Variants in NOVA1 observed in about 807,000 individuals in gnomAD.
NOVA1 encodes the protein RNA-binding protein Nova-1.
A neutral mutation model predicts 38.0 loss-of-function variants in NOVA1; 7 were observed. That is an observed-to-expected ratio of 0.18 (90% confidence interval 0.10 to 0.35). NOVA1 has a LOEUF of 0.35. Among genes scored for constraint, NOVA1 ranks in the 10% least tolerant of loss-of-function variants. NOVA1 has a pLI of 1.00. For missense variants in NOVA1, 460 were observed against 616.0 expected, an observed-to-expected ratio of 0.75 and a Z score of 2.68; for synonymous variants, 270 against 232.5, an observed-to-expected ratio of 1.16 and a Z score of -1.47.
At chr14:26,595,033 T>C (rs533846250) in intron 2 of NOVA1, among the ~76,000 whole-genome samples, 35 of 152,218 alleles carry the variant, frequency 2.3e-4, no homozygotes, top group African/African-American at 8.2e-4. Flanking sequence ...CCTACCCCCC[T>C]CTTCTGAATT....
At chr14:26,555,866 T>A (rs906467992) in intron 2 of NOVA1, among the ~76,000 whole-genome samples, 2 of 152,156 alleles carry the variant, frequency 1.3e-5, no homozygotes, top group Non-Finnish European at 2.9e-5. Flanking sequence ...GTTCTAAGAC[T>A]TATGTTAACG....
chr14:26,532,326 T>C (rs755807660), intron 2 of NOVA1, among the ~76,000 whole-genome samples: 27 of 152,208 alleles, frequency 1.8e-4, no homozygotes, highest in Non-Finnish European at 3.4e-4. Context: ...TACACACACC[T>C]AGACAATGAC....
At chr14:26,486,327 C>G (rs1885886092) in intron 2 of NOVA1, among the ~76,000 whole-genome samples, 1 of 152,000 alleles carries the variant, frequency 6.6e-6, no homozygotes, top group Admixed American at 6.6e-5. Context: ...TTATAACAGG[C>G]TCTTCTCTTA....
intron 2 of NOVA1, among the ~76,000 whole-genome samples, chr14:26,520,712 G>A (rs1049655474): frequency 3.3e-5 from 5 of 152,082 alleles, no homozygotes; most frequent in Non-Finnish European, 7.4e-5. Flanking sequence ...ATAAATTTTA[G>A]TGAGGGGACA....
intron 2 of NOVA1, chr14:26,549,810 G>A (rs1315897804): frequency 8.5e-7 from 1 of 1,178,882 alleles, no homozygotes; most frequent in Non-Finnish European, 1.1e-6. Flanking sequence ...TTAAACAGTT[G>A]CTGCGTTCCA....
chr14:26,517,586 A>G (rs1888564686), intron 2 of NOVA1, among the ~76,000 whole-genome samples: 1 of 152,210 alleles, frequency 6.6e-6, no homozygotes, highest in Non-Finnish European at 1.5e-5. Context: ...TAGAATACAA[A>G]CTATATGTTG....
intron 2 of NOVA1, among the ~76,000 whole-genome samples, chr14:26,591,744 T>C (rs890174551): frequency 6.6e-6 from 1 of 151,634 alleles, no homozygotes; most frequent in African/African-American, 2.4e-5. Flanking sequence ...GTTGGGTCTT[T>C]CCTTCCCTAC....
At chr14:26,452,979 A>C (rs1414481706) in intron 4 of NOVA1, among the ~76,000 whole-genome samples, 1 of 152,202 alleles carries the variant, frequency 6.6e-6, no homozygotes, top group Non-Finnish European at 1.5e-5. Flanking sequence ...AAGGAGACAC[A>C]AAGTTTAACT....
At chr14:26,552,153 G>T (rs1216746198) in intron 2 of NOVA1, among the ~76,000 whole-genome samples, 1 of 152,022 alleles carries the variant, frequency 6.6e-6, no homozygotes, top group Non-Finnish European at 1.5e-5. Context: ...TATTCACACA[G>T]TGAAAAATAT....
At chr14:26,471,909 T>C (rs1884616306) in intron 4 of NOVA1, 1 of 218,870 alleles carries the variant, frequency 4.6e-6, no homozygotes, top group South Asian at 1.8e-4. Flanking sequence ...GCAAATAAAA[T>C]TGCATTCACT....
intron 2 of NOVA1, among the ~76,000 whole-genome samples, chr14:26,580,522 C>T (rs1447557368): frequency 6.6e-6 from 1 of 151,964 alleles, no homozygotes; most frequent in African/African-American, 2.4e-5. Context: ...TTATAGAACA[C>T]TTATTTAGGC....
At chr14:26,540,417 A>AT (rs1890389624) in intron 2 of NOVA1, among the ~76,000 whole-genome samples, 1 of 152,220 alleles carries the variant, frequency 6.6e-6, no homozygotes, top group South Asian at 2.1e-4. Flanking sequence ...CCACAAAACC[A>AT]GTCCCTGGTG....
At chr14:26,553,579 G>C (rs1891295093) in intron 2 of NOVA1, among the ~76,000 whole-genome samples, 1 of 152,046 alleles carries the variant, frequency 6.6e-6, no homozygotes, top group Non-Finnish European at 1.5e-5. Flanking sequence ...AAAAGACATG[G>C]AGTTGGAAGA....
At chr14:26,539,281 C>G (rs970096153) in intron 2 of NOVA1, among the ~76,000 whole-genome samples, 5 of 151,988 alleles carry the variant, frequency 3.3e-5, no homozygotes, top group African/African-American at 1.2e-4. Flanking sequence ...ACAGATTATA[C>G]AAATAACAGA....
At chr14:26,578,100 T>C (rs1354068951) in intron 2 of NOVA1, among the ~76,000 whole-genome samples, 1 of 151,962 alleles carries the variant, frequency 6.6e-6, no homozygotes, top group Non-Finnish European at 1.5e-5. Context: ...GTGATCACTG[T>C]GTCAAATGCT....
chr14:26,465,643 G>T (rs1884050860), intron 4 of NOVA1, among the ~76,000 whole-genome samples: 1 of 151,936 alleles, frequency 6.6e-6, no homozygotes, highest in Non-Finnish European at 1.5e-5. Context: ...TTCTTTTCTA[G>T]TTGGTTTATA....
chr14:26,550,594 T>C (rs1316701486), intron 2 of NOVA1, among the ~76,000 whole-genome samples: 1 of 152,110 alleles, frequency 6.6e-6, no homozygotes, highest in East Asian at 1.9e-4. Context: ...AAAATCAAAT[T>C]CAATAATTAT....
intron 4 of NOVA1, among the ~76,000 whole-genome samples, chr14:26,450,450 T>A (rs1364922286): frequency 6.6e-6 from 1 of 151,964 alleles, no homozygotes. Context: ...ATAAAAGAAA[T>A]TTAATTTTGT....
intron 2 of NOVA1, among the ~76,000 whole-genome samples, chr14:26,502,476 AG>A (rs1252006163): frequency 4.6e-5 from 7 of 152,028 alleles, no homozygotes; most frequent in Middle Eastern, 3.4e-3. Context: ...AAATAGTATT[AG>A]CATTTTCGTT....
Sources: allele counts gnomAD v4.1 joint callset (sites outside exome capture counted in the v4.1 genomes callset), GRCh38; gene constraint gnomAD v4.1.1; transcripts MANE v1.5; gene names NCBI Gene and HGNC (gene_info 2026-07-23, HGNC 2026-07-21).